Variants in SNX19 observed in about 807,000 individuals in gnomAD.
SNX19 encodes sorting nexin 19.
A neutral mutation model predicts 85.2 loss-of-function variants in SNX19; 60 were observed. The observed-to-expected ratio is 0.70, with a 90% CI of 0.57 to 0.87. The LOEUF is 0.87. Among genes scored for constraint, SNX19 ranks in the 40% least tolerant of loss-of-function variants. SNX19 has a pLI of 0.00. For synonymous variants in SNX19, 520 were observed against 470.0 expected, an observed-to-expected ratio of 1.11 and a Z score of -1.38; for missense variants, 1,201 against 1,217.8, an observed-to-expected ratio of 0.99 and a Z score of 0.21.
In SNX19 at chr11:130,866,421, T is replaced by C. The variant is rs1440839176; in HGVS notation, c.*12001A>G. 6.6e-6 allele frequency: 1 copy of C among 152,170 alleles called. No homozygotes were observed. Among genetic ancestry groups the C allele is most frequent in the African/African-American group, 2.4e-5 (1 of 41,428 alleles). 9.4% of individuals were successfully genotyped at this position (152,170 alleles called of 1,614,324 possible). On this transcript the variant is annotated 3_prime_UTR_variant, in exon 11 of 11. Coordinates refer to ENST00000265909, the MANE Select transcript of SNX19 (RefSeq NM_014758.3). ...TATTCAAATGGCCTGGCACTAGTGG[T>C]AATTCCAGCAGACAAACAGCATGAG...
At chr11:130,911,548 C>G in intron 2 of SNX19, 85 bp downstream of exon 2, 2 of 1,585,516 alleles carry the variant, frequency 1.3e-6, no homozygotes, top group Non-Finnish European at 1.7e-6. Flanking sequence ...TTCTCCTCCC[C>G]GATCCCTCCC....
In SNX19 at chr11:130,908,018, G is replaced by C; in HGVS notation, c.2100C>G (p.Pro700=). 1 of 1,614,100 alleles carries C rather than the reference G, an allele frequency of 6.2e-7. No individual in the cohort carries two copies. Among genetic ancestry groups the C allele is most frequent in the Non-Finnish European group, 8.5e-7 (1 of 1,179,988 alleles). ...TAFPRSEPQS[P]TEELSEAETE... is the part of the protein sequence containing the mutation. ...TCTCGGCCTCACTCAGCTCCTCTGT[G>C]GGGCTCTGGGGTTCAGAGCGAGGAA... The change falls in exon 5 of 11, where the codon CCC becomes CCG. Residue 700 remains proline (P), a synonymous_variant. Transcript: ENST00000265909.
Position 130,915,962 on chromosome 11 carries a change from C to A in SNX19, c.-23G>T. ...CATGGCTGAACGGACAAGGTGGCTT[C>A]CCCAGATGACAGCCCTCAAGATTTT... On this transcript the variant is annotated 5_prime_UTR_variant, in exon 1 of 11. Transcript: ENST00000265909. The A allele has an allele frequency of 6.3e-7, 1 of 1,596,528 alleles. No individual in the cohort carries two copies.
intron 1 of SNX19, among the ~76,000 whole-genome samples, chr11:130,912,514 T>C (rs946710139): frequency 6.6e-6 from 1 of 152,152 alleles, no homozygotes; most frequent in African/African-American, 2.4e-5. Flanking sequence ...ACAGGGTAGT[T>C]AAGACACAAT....
rs1251096271 is a variant in SNX19, at chr11:130,906,029, T to C, written c.2367A>G (p.Gln789=). ...AACTGTCCACACGTCCTTTGGGAGGTTGTTCAGGATCTTTTTCTGGGGCTT... is the reference window on the plus strand; with the variant it reads ...AACTGTCCACACGTCCTTTGGGAGGCTGTTCAGGATCTTTTTCTGGGGCTT... The part of the protein sequence containing the change: ...PTKAPEKDPE[Q]PPKGRVDSCV... Residue 789 remains glutamine (Q), a synonymous_variant, in exon 7 of 11, where the codon CAA becomes CAG. Transcript: ENST00000265909. The C allele has an allele frequency of 3.1e-6, 5 of 1,613,936 alleles. No homozygotes were observed. Among genetic ancestry groups the C allele is most frequent in the Admixed American group, 1.7e-5 (1 of 59,992 alleles).
chr11:130,915,449 C>T lies in SNX19; in HGVS notation c.491G>A (p.Cys164Tyr). The change falls in exon 1 of 11, where the codon TGT becomes TAT. Residue 164 changes from cysteine to tyrosine, a missense_variant. Coordinates refer to ENST00000265909, the MANE Select transcript of SNX19 (RefSeq NM_014758.3). ...VAQSVLTLCG[C>Y]HLQSYIQAKE... is the part of the protein sequence containing the mutation. ...TGCCTGAATGTAGCTCTGCAGGTGA[C>T]AACCGCAGAGAGTCAGAACACTCTG... 1 of 1,614,058 alleles carries T rather than the reference C, an allele frequency of 6.2e-7. No individual in the cohort carries two copies. The highest frequency in any genetic ancestry group is 8.5e-7 in the Non-Finnish European group (1 of 1,180,042).
chr11:130,910,692 C>T (rs73028872), intron 2 of SNX19, among the ~76,000 whole-genome samples: 24,075 of 152,090 alleles, frequency 0.16, 2,159 homozygotes, highest in Middle Eastern at 0.24. Context: ...ACCTATCTCA[C>T]AGGCTGACGG....
chr11:130,874,693 T>C lies in SNX19; in HGVS notation c.*3729A>G, dbSNP rs940505731. 2.6e-5 allele frequency among the ~76,000 whole-genome samples: 4 copies of C among 152,230 alleles called. No homozygotes were observed. The highest frequency in any genetic ancestry group is 9.6e-5 in the African/African-American group (4 of 41,458). On this transcript the variant is annotated 3_prime_UTR_variant, in exon 11 of 11. Coordinates refer to ENST00000265909, the MANE Select transcript of SNX19 (RefSeq NM_014758.3). ...ACATATTTTTACTTCCTCCAGGACC[T>C]AACAACTGGTGTTGTGTGCTATGAG...
At chr11:130,879,452 T>C (rs113153486) in intron 10 of SNX19, among the ~76,000 whole-genome samples, 172 bp downstream of exon 10, 1,863 of 91,426 alleles carry the variant, frequency 0.02, 37 homozygotes, top group African/African-American at 0.11. Flanking sequence ...GTGTGGATTT[T>C]ACTTAGAGTG....
rs957920475 is a variant in SNX19 at position 130,873,219 on chromosome 11, T to C, written c.*5203A>G. On this transcript the variant is annotated 3_prime_UTR_variant, in exon 11 of 11. Coordinates refer to ENST00000265909, the MANE Select transcript of SNX19 (RefSeq NM_014758.3). ...TGGGACAAACCCGGCCAGCTGCCTA[T>C]TTTTGTAAATCAAGTTTTATTGGAA... Among the ~76,000 whole-genome samples the C allele has an allele frequency of 1.3e-5, 2 of 152,326 alleles. No individual in the cohort carries two copies.
rs534091431 is a variant in SNX19, at chr11:130,914,440, T to C, written c.1500A>G (p.Pro500=). 19 of 1,613,780 alleles carry C rather than the reference T, an allele frequency of 1.2e-5. No homozygotes were observed. In the African/African-American group the frequency reaches 1.3e-4, roughly 11 times the overall value. ...CAGGTGGAGAGGAGGAAAGCAGAAC[T>C]GGTGGCAGAGTAGGATCAAGGGAGC... is the stretch of plus-strand genomic sequence containing the variant. ...DVSSLDPTLP[P]VLLSSSPPGP... Residue 500 remains proline (P), a synonymous_variant, in exon 1 of 11, where the codon CCA becomes CCG. Transcript: ENST00000265909.
intron 8 of SNX19, among the ~76,000 whole-genome samples, chr11:130,889,600 T>A (rs906210929): frequency 2.0e-5 from 3 of 152,216 alleles, no homozygotes; most frequent in Admixed American, 2.0e-4. Context: ...AGTTTTTATC[T>A]CATTCTGTTA....
chr11:130,914,110 CT>C (rs1186647297), intron 1 of SNX19, among the ~76,000 whole-genome samples, 155 bp downstream of exon 1: 3 of 151,684 alleles, frequency 2.0e-5, no homozygotes, highest in Non-Finnish European at 2.9e-5. Flanking sequence ...GCTACTCTGC[CT>C]TACATATTAG....
In SNX19 at chr11:130,880,737, C is replaced by T; in HGVS notation, c.2643G>A (p.Gln881=). 6.2e-7 allele frequency: 1 copy of T among 1,611,962 alleles called. No individual in the cohort carries two copies. The highest frequency in any genetic ancestry group is 2.2e-5 in the East Asian group (1 of 44,812). ...QRWVQYLLLL[Q]ESIWPGGVLP... ...AAACTCCACCAGGCCAGATGGACTC[C>T]TGAAGAAGCAGGAGGTACTGCACCC... Residue 881 remains glutamine, a synonymous_variant, in exon 9 of 11, where the codon CAG becomes CAA. Coordinates refer to ENST00000265909, the MANE Select transcript of SNX19 (RefSeq NM_014758.3).
chr11:130,885,573 T>A (rs1000951688), intron 8 of SNX19, among the ~76,000 whole-genome samples: 6 of 152,200 alleles, frequency 3.9e-5, no homozygotes, highest in African/African-American at 1.4e-4. Flanking sequence ...TGAATCAGTA[T>A]GGCTTAATGA....
intron 4 of SNX19, among the ~76,000 whole-genome samples, chr11:130,909,577 T>A (rs1945930061): frequency 6.6e-6 from 1 of 152,164 alleles, no homozygotes; most frequent in African/African-American, 2.4e-5. Flanking sequence ...CATACTCTGT[T>A]CTCTAGCGGA....
rs899251034 is a variant in SNX19 at position 130,876,920 on chromosome 11, C to G, written c.*1502G>C. On this transcript the variant is annotated 3_prime_UTR_variant, in exon 11 of 11. Transcript: ENST00000265909. Reference sequence around the variant, plus strand: ...GCACACCTAAGCCTCCCGAATACATCAGACACAATTTAGGGTTAAAAGCCT... The same window carrying G: ...GCACACCTAAGCCTCCCGAATACATGAGACACAATTTAGGGTTAAAAGCCT... 1 of 152,236 alleles carries G rather than the reference C, an allele frequency of 6.6e-6. No individual in the cohort carries two copies. The highest frequency in any genetic ancestry group is 1.5e-5 in the Non-Finnish European group (1 of 68,040). The allele number at this position is 152,236 out of a possible 1,614,324, so 9.4% of individuals were successfully genotyped here. A position where few individuals can be genotyped will look rare whatever the true frequency, so the allele number is the denominator to read the frequency against.
Position 130,903,259 on chromosome 11 carries a change from G to T in SNX19, c.2569C>A (p.Gln857Lys). ...GGGAGAATTCAGCAGTCTTACCTTT[G>T]AACTAGGGTCCCAAAGATAAGACGA... ...FLRLIFGTLVQRWLEVQVANL... is the reference protein window; with the variant it reads ...FLRLIFGTLVKRWLEVQVANL... Residue 857 changes from glutamine to lysine, a missense_variant, in exon 8 of 11, where the codon CAA becomes AAA. Physicochemically the swap from Gln to Lys is moderately conservative, Grantham distance 53 (BLOSUM62 1). Coordinates refer to ENST00000265909, the MANE Select transcript of SNX19 (RefSeq NM_014758.3). The T allele has an allele frequency of 6.2e-7, 1 of 1,613,554 alleles. No homozygotes were observed. Among genetic ancestry groups the T allele is most frequent in the South Asian group, 1.1e-5 (1 of 91,032 alleles).
chr11:130,891,299 T>A (rs1455002210), intron 8 of SNX19, among the ~76,000 whole-genome samples: 2 of 152,140 alleles, frequency 1.3e-5, no homozygotes, highest in African/African-American at 4.8e-5. Flanking sequence ...TGCTAGGTAA[T>A]AAGTCAGGTG....
Sources: allele counts gnomAD v4.1 joint callset (sites outside exome capture counted in the v4.1 genomes callset), GRCh38; gene constraint gnomAD v4.1.1; transcripts MANE v1.5; gene names NCBI Gene and HGNC (gene_info 2026-07-23, HGNC 2026-07-21).